ATRIP: variants seen among roughly 807,000 people sequenced by gnomAD.
The protein encoded by ATRIP is ATR-interacting protein.
Under a neutral mutation model 78.1 loss-of-function variants are expected in ATRIP, and 44 were observed. The ratio of observed to expected loss-of-function variants is 0.56; its 90% CI spans 0.44 to 0.72. ATRIP has a LOEUF of 0.72. ATRIP is among the 30% of genes least tolerant of loss of function. The probability of loss-of-function intolerance (pLI) is 0.00; values close to 1 mark genes in which losing one functional copy is unlikely to be tolerated. For synonymous variants in ATRIP, 388 were observed against 408.9 expected (o/e 0.95, Z 0.62); for missense variants, 927 against 980.2 (o/e 0.95, Z 0.72).
At chr3:48,460,018 C>A in intron 7 of ATRIP, 92 bp from the exon 8 acceptor site, 1 of 1,551,728 alleles carries the variant, frequency 6.4e-7, no homozygotes, top group South Asian at 1.2e-5. Context: ...GAAGGGCAGG[C>A]AGCCTGGAGA....
In ATRIP at chr3:48,454,435, AG is replaced by A. The variant is rs778826984; in HGVS notation, c.671+20del. 1 of 1,570,210 alleles carries A rather than the reference AG, an allele frequency of 6.4e-7. No individual in the cohort carries two copies. Among genetic ancestry groups the A allele is most frequent in the African/African-American group, 1.4e-5 (1 of 74,034 alleles). ...CCATGTCAGGTAATGATGGTGCTGG[AG>A]GGATAGTTCAGTTTTGCATTATTTA... On this transcript the variant is annotated intron_variant, in intron 4 of 12. Transcript: ENST00000320211.
chr3:48,463,643 T>C (rs2040179655), intron 8 of ATRIP, 102 bp from the exon 9 acceptor site: 1 of 1,496,188 alleles, frequency 6.7e-7, no homozygotes, highest in South Asian at 1.3e-5. Context: ...CACCTGTTCA[T>C]ACTGACTTGC....
chr3:48,464,229 A>G, intron 10 of ATRIP, 97 bp downstream of exon 10: 1 of 1,152,090 alleles, frequency 8.7e-7, no homozygotes, highest in Admixed American at 2.0e-5. Flanking sequence ...CGGAGCTTTA[A>G]TTCATTTTAG....
At chr3:48,462,702 C>G (rs574607475) in intron 8 of ATRIP, among the ~76,000 whole-genome samples, 5 of 143,608 alleles carry the variant, frequency 3.5e-5, no homozygotes, top group African/African-American at 1.3e-4. Flanking sequence ...GACTCAGTTT[C>G]AAAAAAAAAA....
rs2040237126 is a variant in ATRIP, at chr3:48,465,028, G to T, written c.2253G>T (p.Val751=). Residue 751 remains valine (V), a synonymous_variant, in exon 12 of 13, where the codon GTG becomes GTT. Coordinates refer to ENST00000320211, the MANE Select transcript of ATRIP (RefSeq NM_130384.3). ...CVEVLHQFDQ[V]MPGVSMLIRG... is the part of the protein sequence containing the mutation. ...AGGTCCTGCATCAGTTTGACCAGGT[G>T]ATGCCGGGGGTCAGCATGCTCATCC... 1.2e-6 allele frequency: 2 copies of T among 1,613,684 alleles called. No individual in the cohort carries two copies. The highest frequency in any genetic ancestry group is 3.3e-5 in the Admixed American group (2 of 60,004).
intron 8 of ATRIP, among the ~76,000 whole-genome samples, chr3:48,462,340 T>G (rs1364920338): frequency 6.6e-6 from 1 of 151,944 alleles, no homozygotes; most frequent in African/African-American, 2.4e-5. Flanking sequence ...ACAGGGACAT[T>G]CAAAACACAG....
At position 48,467,034 on chromosome 3, in the gene ATRIP, G is replaced by A; in HGVS notation, c.*1480G>A. ...CTGGTGCCTGGTGGCACACAATGGT[G>A]ACCGCTACGACTTCCCCCTGCTCCA... is the stretch of plus-strand genomic sequence containing the variant. On this transcript the variant is annotated 3_prime_UTR_variant, in exon 13 of 13. Transcript: ENST00000320211. 1.2e-6 allele frequency: 2 copies of A among 1,613,964 alleles called. No homozygotes were observed. Among genetic ancestry groups the A allele is most frequent in the Non-Finnish European group, 1.7e-6 (2 of 1,180,040 alleles).
intron 1 of ATRIP, chr3:48,447,470 T>G: frequency 2.0e-6 from 2 of 998,936 alleles, no homozygotes; most frequent in Non-Finnish European, 2.4e-6. Context: ...TTAGATCTTA[T>G]GAAGCCCACT....
intron 3 of ATRIP, 28 bp downstream of exon 3, chr3:48,451,927 G>C: frequency 6.4e-7 from 1 of 1,566,436 alleles, no homozygotes; most frequent in Non-Finnish European, 8.7e-7. Context: ...TTTTGCACCA[G>C]CTTTGCCTGC....
chr3:48,464,223 G>C (rs1340859218), intron 10 of ATRIP, 91 bp downstream of exon 10: 3 of 1,189,006 alleles, frequency 2.5e-6, no homozygotes, highest in Non-Finnish European at 3.7e-6. Flanking sequence ...GAGAAACGGA[G>C]CTTTAATTCA....
At chr3:48,456,589 C>A (rs566580423) in intron 4 of ATRIP, among the ~76,000 whole-genome samples, 2 of 148,780 alleles carry the variant, frequency 1.3e-5, no homozygotes, top group African/African-American at 2.5e-5. Flanking sequence ...CAGAGTGAGA[C>A]CCTGTCTCAC....
At position 48,447,251 on chromosome 3, in the gene ATRIP, C is replaced by T. The variant is rs948912090; in HGVS notation, c.247+159C>T. On this transcript the variant is annotated intron_variant, in intron 1 of 12. Coordinates refer to ENST00000320211, the MANE Select transcript of ATRIP (RefSeq NM_130384.3). ...AAGCAGCGGTTGTCTTCCAGAAGGTCCTTTGATTTTAGGGGGAAATGCATT... is the reference window on the plus strand; with the variant it reads ...AAGCAGCGGTTGTCTTCCAGAAGGTTCTTTGATTTTAGGGGGAAATGCATT... 24 of 1,267,162 alleles carry T rather than the reference C, an allele frequency of 1.9e-5. No homozygotes were observed. In the African/African-American group the frequency reaches 3.3e-4, roughly 17 times the overall value. 78.5% of individuals were successfully genotyped at this position (1,267,162 alleles called of 1,614,324 possible).
chr3:48,455,535 G>A (rs1157801820), intron 4 of ATRIP, among the ~76,000 whole-genome samples: 6 of 151,694 alleles, frequency 4.0e-5, no homozygotes, highest in Non-Finnish European at 7.4e-5. Flanking sequence ...TGTTGTCCAG[G>A]CTGGAGTGTA....
At chr3:48,457,537 C>G (rs1308626231) in intron 5 of ATRIP, 121 bp downstream of exon 5, 1 of 787,504 alleles carries the variant, frequency 1.3e-6, no homozygotes, top group South Asian at 2.9e-5. Flanking sequence ...ACAGAGGGGA[C>G]AATCTCTGCA....
At chr3:48,464,707 G>T in intron 11 of ATRIP, 45 bp downstream of exon 11, 1 of 1,613,596 alleles carries the variant, frequency 6.2e-7, no homozygotes, top group South Asian at 1.1e-5. Flanking sequence ...GTGGTAAGGG[G>T]GCCCCGTGCA....
intron 1 of ATRIP, among the ~76,000 whole-genome samples, chr3:48,449,084 G>A (rs917834436): frequency 6.6e-6 from 1 of 152,130 alleles, no homozygotes; most frequent in Non-Finnish European, 1.5e-5. Context: ...GAAGGATAGG[G>A]AAAGAATAAT....
In ATRIP at chr3:48,446,882, A is replaced by G; in HGVS notation, c.37A>G (p.Ser13Gly). The G allele has an allele frequency of 7.1e-7, 1 of 1,401,734 alleles. No homozygotes were observed. The allele number at this position is 1,401,734 out of a possible 1,614,324, so 86.8% of individuals were successfully genotyped here. Residue 13 changes from serine (S) to glycine (G), a missense_variant, in exon 1 of 13, where the codon AGC becomes GGC. Coordinates refer to ENST00000320211, the MANE Select transcript of ATRIP (RefSeq NM_130384.3). ...CTCCGCGCCAGGCAGCAAGAGGCGG[A>G]GCGAGCCCCCGGCGCCTCGCCCCGG... ...GTSAPGSKRRSEPPAPRPGPP... is the reference protein window; with the variant it reads ...GTSAPGSKRRGEPPAPRPGPP...
At chr3:48,447,572 A>G (rs906066131) in intron 1 of ATRIP, 4 of 982,308 alleles carry the variant, frequency 4.1e-6, no homozygotes, top group Non-Finnish European at 4.8e-6. Flanking sequence ...AAACTGTGCT[A>G]GGTGCCCAAA....
Position 48,466,374 on chromosome 3 carries a change from C to A in ATRIP, c.*820C>A. 1.4e-6 allele frequency: 2 copies of A among 1,420,782 alleles called. No individual in the cohort carries two copies. The highest frequency in any genetic ancestry group is 2.0e-6 in the Non-Finnish European group (2 of 1,020,436). The allele number at this position is 1,420,782 out of a possible 1,614,324, so 88.0% of individuals were successfully genotyped here. ...GGGCCATGGGTTCCCCCACCCCAGA[C>A]TAAGGGGGCACTAGGGGAGGGGCCG... On this transcript the variant is annotated 3_prime_UTR_variant, in exon 13 of 13. Transcript: ENST00000320211.
Sources: gnomAD v4.1 joint callset for allele counts (sites outside exome capture counted in the v4.1 genomes callset) on GRCh38, gnomAD v4.1.1 for gene constraint, MANE v1.5 for transcripts, NCBI Gene and HGNC (gene_info 2026-07-23, HGNC 2026-07-21) for gene names.